The following SYN3 variants were observed in gnomAD, a reference collection of about 807,000 sequenced individuals.
The protein encoded by SYN3 is synapsin-3.
In SYN3, 35 loss-of-function variants were observed where a neutral mutation model predicts 65.8. That is an observed-to-expected ratio of 0.53 (90% CI 0.41 to 0.70). SYN3 has a LOEUF of 0.70. Ranked by LOEUF, SYN3 falls within the 30% of genes least tolerant of loss-of-function variation. SYN3 has a pLI of 0.00. For missense variants in SYN3, 680 were observed against 749.0 expected, an observed-to-expected ratio of 0.91 and a Z score of 1.08; for synonymous variants, 270 against 292.9, an observed-to-expected ratio of 0.92 and a Z score of 0.80.
intron 3 of SYN3, among the ~76,000 whole-genome samples, chr22:32,946,398 T>G (rs2051112400): frequency 6.6e-6 from 1 of 152,114 alleles, no homozygotes; most frequent in Non-Finnish European, 1.5e-5. Flanking sequence ...TGTAGGGACA[T>G]CGATGAAGCT....
At chr22:33,011,798 T>C (rs928042278) in intron 1 of SYN3, among the ~76,000 whole-genome samples, 1 of 152,206 alleles carries the variant, frequency 6.6e-6, no homozygotes, top group African/African-American at 2.4e-5. Context: ...TTTGACAATA[T>C]GTGATTTCGA....
chr22:33,016,616 C>G (rs1370468937), intron 1 of SYN3, among the ~76,000 whole-genome samples: 2 of 152,152 alleles, frequency 1.3e-5, no homozygotes, highest in Admixed American at 6.6e-5. Flanking sequence ...GAGGTGAGAT[C>G]TCATTATGGT....
chr22:32,677,389 C>T (rs2060460925), intron 6 of SYN3, among the ~76,000 whole-genome samples: 1 of 152,150 alleles, frequency 6.6e-6, no homozygotes, highest in East Asian at 1.9e-4. Context: ...GACTGCAGGG[C>T]AGTGTGCATA....
intron 4 of SYN3, among the ~76,000 whole-genome samples, chr22:32,889,522 G>C (rs1465985336): frequency 6.6e-6 from 1 of 152,132 alleles, no homozygotes; most frequent in Non-Finnish European, 1.5e-5. Flanking sequence ...AAGGTATAAA[G>C]AAGAGGATAA....
Position 32,874,481 on chromosome 22 carries a change from G to T in SYN3, c.462-5356C>A, listed in dbSNP as rs373124711. ...GGGATTACTGAATGCTTCTGGCAGC[G>T]TCAAAAAGCTGGAGGCCAGAGGTGA... On this transcript the variant is annotated intron_variant, in intron 4 of 13. Transcript: ENST00000358763. Among the ~76,000 whole-genome samples the T allele has an allele frequency of 2.0e-5, 3 of 152,314 alleles. No individual in the cohort carries two copies. In the South Asian group the frequency reaches 6.2e-4, roughly 32 times the overall value.
intron 6 of SYN3, among the ~76,000 whole-genome samples, chr22:32,847,920 CT>C (rs569960159): frequency 1.4e-3 from 220 of 152,366 alleles, no homozygotes; most frequent in Admixed American, 3.2e-3. Context: ...ATCACACCCC[CT>C]GATAGAGGCA....
At chr22:32,880,424 G>C (rs546932637) in intron 4 of SYN3, among the ~76,000 whole-genome samples, 16 of 152,332 alleles carry the variant, frequency 1.1e-4, no homozygotes, top group African/African-American at 3.6e-4. Flanking sequence ...CCTTGGCCTG[G>C]TCTACAGGGG....
At chr22:32,676,628 C>T (rs2060448207) in intron 6 of SYN3, among the ~76,000 whole-genome samples, 1 of 141,944 alleles carries the variant, frequency 7.0e-6, no homozygotes, top group Non-Finnish European at 1.5e-5. Context: ...ACTCCACCTC[C>T]TGGGTTCACG....
At chr22:33,007,948 T>G (rs1005642437) in intron 1 of SYN3, among the ~76,000 whole-genome samples, 124 of 152,312 alleles carry the variant, frequency 8.1e-4, no homozygotes, top group Middle Eastern at 3.4e-3. Context: ...CAATTTTTTT[T>G]TTTTTTGAAA....
chr22:32,786,930 C>T (rs1403207262), intron 6 of SYN3, among the ~76,000 whole-genome samples: 1 of 152,086 alleles, frequency 6.6e-6, no homozygotes, highest in East Asian at 1.9e-4. Context: ...CTGGAAGGAC[C>T]AGGTTTCATC....
At chr22:32,905,664 G>C (rs1481477915) in intron 4 of SYN3, among the ~76,000 whole-genome samples, 2 of 152,188 alleles carry the variant, frequency 1.3e-5, no homozygotes, top group Non-Finnish European at 2.9e-5. Context: ...CTTATCCAAG[G>C]CTCCCACATA....
chr22:32,993,249 G>A (rs1327830829), intron 2 of SYN3, among the ~76,000 whole-genome samples: 1 of 151,216 alleles, frequency 6.6e-6, no homozygotes, highest in African/African-American at 2.4e-5. Context: ...GGAGGGGCCC[G>A]GGGATCCAGG....
At chr22:32,809,331 G>A (rs2046847841) in intron 6 of SYN3, among the ~76,000 whole-genome samples, 1 of 152,178 alleles carries the variant, frequency 6.6e-6, no homozygotes, top group Admixed American at 6.5e-5. Flanking sequence ...CTCTCCACAT[G>A]AGTCTTTGGC....
intron 3 of SYN3, among the ~76,000 whole-genome samples, chr22:32,961,335 C>T (rs537595111): frequency 2.0e-5 from 3 of 152,172 alleles, no homozygotes; most frequent in Non-Finnish European, 4.4e-5. Flanking sequence ...CTCTCTCTCT[C>T]TCTCTCTTTC....
At chr22:32,923,384 C>T (rs1212232978) in intron 4 of SYN3, among the ~76,000 whole-genome samples, 2 of 152,220 alleles carry the variant, frequency 1.3e-5, no homozygotes, top group Non-Finnish European at 2.9e-5. Flanking sequence ...GATTCCAACG[C>T]TCTTCCAGAA....
intron 6 of SYN3, among the ~76,000 whole-genome samples, chr22:32,658,337 C>T (rs1340883637): frequency 6.6e-6 from 1 of 152,336 alleles, no homozygotes; most frequent in East Asian, 1.9e-4. Flanking sequence ...CCCCCAACCC[C>T]GCTTTCGGGT....
chr22:32,831,595 T>C (rs1048794415), intron 6 of SYN3, among the ~76,000 whole-genome samples: 24 of 152,286 alleles, frequency 1.6e-4, no homozygotes, highest in Non-Finnish European at 2.9e-4. Flanking sequence ...AATTGGAAGA[T>C]TGAAGGCAGA....
intron 7 of SYN3, among the ~76,000 whole-genome samples, chr22:32,572,394 CCCTCCCTCCCTCCTGT>C (rs2058780961): frequency 1.9e-5 from 2 of 103,736 alleles, no homozygotes; most frequent in South Asian, 3.8e-4. Flanking sequence ...TTCCTTCCTT[CCCTCCCTCCCTCCTGT>C]CTTTCCTTCC....
intron 6 of SYN3, among the ~76,000 whole-genome samples, chr22:32,803,373 C>T (rs1602187652): frequency 6.6e-6 from 1 of 151,170 alleles, no homozygotes; most frequent in South Asian, 2.1e-4. Flanking sequence ...CAGTGAGGGC[C>T]GGGAGGGGCA....
Sources: gnomAD v4.1 joint callset for allele counts (sites outside exome capture counted in the v4.1 genomes callset) on GRCh38, gnomAD v4.1.1 for gene constraint, MANE v1.5 for transcripts, NCBI Gene and HGNC (gene_info 2026-07-23, HGNC 2026-07-21) for gene names.